CEP97: variants seen among roughly 807,000 people sequenced by gnomAD.
The protein encoded by CEP97 is centrosomal protein of 97 kDa.
A neutral mutation model predicts 73.1 loss-of-function variants in CEP97; 43 were observed. The observed-to-expected ratio is 0.59, with a 90% CI of 0.46 to 0.76. The LOEUF (loss-of-function observed/expected upper bound fraction) is 0.76, where lower values mean the gene tolerates loss of function less well. CEP97 is among the 30% of genes least tolerant of loss of function. The probability of loss-of-function intolerance (pLI) is 0.00; values close to 1 mark genes in which losing one functional copy is unlikely to be tolerated. For synonymous variants in CEP97, 337 were observed against 370.0 expected (o/e 0.91, Z 1.02); for missense variants, 939 against 1,014.0 (o/e 0.93, Z 1.00).
chr3:101,735,860 C>T (rs563872384), intron 6 of CEP97, among the ~76,000 whole-genome samples: 116 of 152,156 alleles, frequency 7.6e-4, no homozygotes, highest in Non-Finnish European at 1.5e-3. Flanking sequence ...GTTCACTCCT[C>T]TGGAAAGGGG....
chr3:101,761,097 C>T (rs150304102), intron 9 of CEP97, among the ~76,000 whole-genome samples: 1 of 151,810 alleles, frequency 6.6e-6, no homozygotes, highest in Admixed American at 6.6e-5. Flanking sequence ...AAACTCCTGA[C>T]CTCAGGTGAT....
chr3:101,732,041 G>C (rs1379415504), intron 5 of CEP97, 88 bp downstream of exon 5: 1 of 759,968 alleles, frequency 1.3e-6, no homozygotes, highest in African/African-American at 1.8e-5. Context: ...CTTTTAGACT[G>C]TGAGCATCTT....
At chr3:101,727,051 C>T (rs772420279) in intron 2 of CEP97, among the ~76,000 whole-genome samples, 2 of 152,192 alleles carry the variant, frequency 1.3e-5, no homozygotes, top group Non-Finnish European at 2.9e-5. Context: ...CTGCGTCCCT[C>T]TTATATGTCT....
At chr3:101,729,530 T>C (rs904772982) in intron 4 of CEP97, among the ~76,000 whole-genome samples, 1 of 152,142 alleles carries the variant, frequency 6.6e-6, no homozygotes, top group Non-Finnish European at 1.5e-5. Flanking sequence ...AGTTATTATA[T>C]AGTACATAAT....
At position 101,725,723 on chromosome 3, in the gene CEP97, A is replaced by G. The variant is rs571997844; in HGVS notation, c.44-871A>G. ...GTCCTAATCTGGGTGTAAATTTGAA[A>G]TTGGCCGTTTCTCTGGCCCCGCCCT... is the stretch of plus-strand genomic sequence containing the variant. On this transcript the variant is annotated intron_variant, in intron 1 of 10. Transcript: ENST00000341893. 2.0e-5 allele frequency among the ~76,000 whole-genome samples: 3 copies of G among 152,250 alleles called. No homozygotes were observed. The South Asian group carries it at 6.2e-4, about 32-fold the overall frequency.
At chr3:101,726,255 A>C (rs563665222) in intron 1 of CEP97, among the ~76,000 whole-genome samples, 4 of 152,230 alleles carry the variant, frequency 2.6e-5, no homozygotes, top group Non-Finnish European at 5.9e-5. Context: ...ATTGCAGTCA[A>C]AAGTTTAGTA....
At chr3:101,750,910 C>T (rs995599443) in intron 6 of CEP97, among the ~76,000 whole-genome samples, 44 of 152,238 alleles carry the variant, frequency 2.9e-4, no homozygotes, top group Non-Finnish European at 4.9e-4. Flanking sequence ...GTCTCTATTT[C>T]CTTCAGTTCT....
chr3:101,726,145 A>G (rs1015256261), intron 1 of CEP97, among the ~76,000 whole-genome samples: 103 of 152,282 alleles, frequency 6.8e-4, no homozygotes, highest in African/African-American at 2.4e-3. Flanking sequence ...TGGGTGTATT[A>G]TCCTATTTTA....
chr3:101,760,932 A>C (rs557039390), intron 9 of CEP97, among the ~76,000 whole-genome samples: 5 of 151,946 alleles, frequency 3.3e-5, no homozygotes, highest in Non-Finnish European at 7.4e-5. Flanking sequence ...GTGCGATCTC[A>C]GCTCATTGCA....
At chr3:101,749,053 T>A (rs1296367524) in intron 6 of CEP97, among the ~76,000 whole-genome samples, 1 of 152,108 alleles carries the variant, frequency 6.6e-6, no homozygotes, top group Admixed American at 6.5e-5. Context: ...TGCAGGTTAG[T>A]TACATATGTA....
chr3:101,730,407 A>C (rs951614250), intron 4 of CEP97, among the ~76,000 whole-genome samples: 14 of 152,022 alleles, frequency 9.2e-5, no homozygotes, highest in Non-Finnish European at 1.5e-4. Flanking sequence ...CTGGGACTAC[A>C]GGTGCATGCC....
Position 101,765,775 on chromosome 3 carries a change from T to C in CEP97, c.*224T>C, listed in dbSNP as rs894749847. 3.0e-5 allele frequency: 14 copies of C among 473,698 alleles called. No individual in the cohort carries two copies. The highest frequency in any genetic ancestry group is 7.8e-5 in the Admixed American group (2 of 25,744). The allele number at this position is 473,698 out of a possible 1,614,324, so 29.3% of individuals were successfully genotyped here. ...CTGTAAGGTACCAAACTATTTATAT[T>C]GAAAGCTATATGCACTTTATTTCTT... On this transcript the variant is annotated 3_prime_UTR_variant, in exon 11 of 11. Transcript: ENST00000341893.
intron 1 of CEP97, among the ~76,000 whole-genome samples, chr3:101,725,482 A>G (rs1937850277): frequency 6.6e-6 from 1 of 152,134 alleles, no homozygotes; most frequent in East Asian, 1.9e-4. Context: ...TGGGAGCTGT[A>G]AATTCTTGGG....
rs1939369436 is a variant in CEP97 at position 101,768,374 on chromosome 3, C to T, written c.*2823C>T. 6.6e-6 allele frequency: 1 copy of T among 152,168 alleles called. No homozygotes were observed. The highest frequency in any genetic ancestry group is 6.6e-5 in the Admixed American group (1 of 15,254). 9.4% of individuals were successfully genotyped at this position (152,168 alleles called of 1,614,324 possible). On this transcript the variant is annotated 3_prime_UTR_variant, in exon 11 of 11. Transcript: ENST00000341893. The stretch of plus-strand genomic sequence containing the variant: ...AGTAAGGAAATCTCTGCATATTTCT[C>T]ATTCTCTTTGAAAGAGGAAAAAAAC...
chr3:101,728,374 C>T (rs182170431), intron 3 of CEP97, among the ~76,000 whole-genome samples: 3 of 152,006 alleles, frequency 2.0e-5, no homozygotes, highest in African/African-American at 7.2e-5. Context: ...ATTCTCCTGC[C>T]TCAGCCTCAA....
At chr3:101,730,204 T>C (rs1938054768) in intron 4 of CEP97, among the ~76,000 whole-genome samples, 1 of 152,128 alleles carries the variant, frequency 6.6e-6, no homozygotes, top group African/African-American at 2.4e-5. Flanking sequence ...ATTACAGGCA[T>C]GAGCCACCGA....
In CEP97 at chr3:101,769,141, G is replaced by A. The variant is rs1378912969; in HGVS notation, c.*3590G>A. The A allele has an allele frequency of 1.3e-5, 2 of 152,008 alleles. No homozygotes were observed. The highest frequency in any genetic ancestry group is 2.9e-5 in the Non-Finnish European group (2 of 68,022). The allele number at this position is 152,008 out of a possible 1,614,324, so 9.4% of individuals were successfully genotyped here. Reference sequence around the variant, plus strand: ...TCCCAATAATTTCAGGAAAATACAAGCTTGAGATATTATACTATCTCCCTT... The same window carrying A: ...TCCCAATAATTTCAGGAAAATACAAACTTGAGATATTATACTATCTCCCTT... On this transcript the variant is annotated 3_prime_UTR_variant, in exon 11 of 11. Transcript: ENST00000341893.
chr3:101,736,652 A>G (rs955395408), intron 6 of CEP97, among the ~76,000 whole-genome samples: 1 of 152,226 alleles, frequency 6.6e-6, no homozygotes, highest in Non-Finnish European at 1.5e-5. Flanking sequence ...TAGCATCAAC[A>G]TCAACAAAAA....
chr3:101,752,808 A>G (rs1463532877), intron 6 of CEP97, among the ~76,000 whole-genome samples: 3 of 152,108 alleles, frequency 2.0e-5, no homozygotes, highest in Admixed American at 6.5e-5. Context: ...AATTTTTTTC[A>G]AAGTTTTTAA....
Sources: allele counts gnomAD v4.1 joint callset (sites outside exome capture counted in the v4.1 genomes callset), GRCh38; gene constraint gnomAD v4.1.1; transcripts MANE v1.5; gene names NCBI Gene and HGNC (gene_info 2026-07-23, HGNC 2026-07-21).